Variants in RUFY3 observed in about 807,000 individuals in gnomAD.
RUFY3 encodes the protein RUN and FYVE domain containing 3.
In RUFY3, 34 loss-of-function variants were observed where a neutral mutation model predicts 84.0. The observed-to-expected ratio is 0.40, with a 90% CI of 0.31 to 0.54. The LOEUF (loss-of-function observed/expected upper bound fraction) is 0.54, where lower values mean the gene tolerates loss of function less well. Among genes scored for constraint, RUFY3 ranks in the 20% least tolerant of loss-of-function variants. RUFY3 has a pLI of 0.39. For synonymous variants in RUFY3, 242 were observed against 252.9 expected, an observed-to-expected ratio of 0.96 and a Z score of 0.41; for missense variants, 507 against 736.8, an observed-to-expected ratio of 0.69 and a Z score of 3.61.
chr4:70,783,424 C>T (rs1231653294), intron 9 of RUFY3, among the ~76,000 whole-genome samples: 2 of 152,212 alleles, frequency 1.3e-5, no homozygotes, highest in Admixed American at 6.5e-5. Flanking sequence ...CAGTCTAATT[C>T]AGTTTCTTGT....
At chr4:70,727,481 T>C (rs1220258273) in intron 1 of RUFY3, among the ~76,000 whole-genome samples, 1 of 148,238 alleles carries the variant, frequency 6.7e-6, no homozygotes, top group African/African-American at 2.5e-5. Flanking sequence ...TCAGCCTCCC[T>C]AGTAACTGGG....
chr4:70,790,384 T>C (rs4563469), intron 12 of RUFY3, among the ~76,000 whole-genome samples: 6,996 of 152,270 alleles, frequency 0.046, 277 homozygotes, highest in Middle Eastern at 0.058. Flanking sequence ...TTGTCACCCT[T>C]CTTGCACTTG....
intron 4 of RUFY3, 137 bp downstream of exon 4, chr4:70,764,713 C>T (rs1032644815): frequency 1.6e-4 from 95 of 595,236 alleles, no homozygotes; most frequent in Non-Finnish European, 2.5e-4. Context: ...TCTCTCATAC[C>T]TCACACACAT....
chr4:70,771,727 G>A (rs539668907), intron 5 of RUFY3, among the ~76,000 whole-genome samples: 6 of 151,990 alleles, frequency 3.9e-5, no homozygotes, highest in Admixed American at 6.6e-5. Context: ...ACAGAGTTTC[G>A]CTATGTTGCC....
chr4:70,795,782 C>A (rs994699446), intron 14 of RUFY3, among the ~76,000 whole-genome samples: 1 of 152,080 alleles, frequency 6.6e-6, no homozygotes, highest in Admixed American at 6.6e-5. Context: ...ATCTTTTTTA[C>A]ATTATTAACT....
chr4:70,704,882 T>C (rs1740074627), exon 1 of RUFY3: 1 of 1,133,750 alleles, frequency 8.8e-7, no homozygotes. Context: ...GACCCTCTGC[T>C]CCCCCGCCCA....
At chr4:70,708,845 G>C (rs916311626) in intron 1 of RUFY3, among the ~76,000 whole-genome samples, 5 of 151,962 alleles carry the variant, frequency 3.3e-5, no homozygotes, top group African/African-American at 1.2e-4. Context: ...AGGAATTGGA[G>C]ACCAGCCTGT....
In RUFY3 at chr4:70,768,560, C is replaced by G. The variant is rs374725713; in HGVS notation, c.595C>G (p.Leu199Val). Residue 199 changes from leucine to valine, a missense_variant, in exon 5 of 18, where the codon CTC becomes GTC. Coordinates refer to ENST00000381006, the MANE Select transcript of RUFY3 (RefSeq NM_001037442.4). ...CAGTGAATTCTACGAACCCAATGCC[C>G]TCATGATGGAAGAAGAAGGAGCCAT... ...LLSEFYEPNALMMEEEGAIIA... is the reference protein window; with the variant it reads ...LLSEFYEPNAVMMEEEGAIIA... The G allele has an allele frequency of 9.3e-6, 15 of 1,613,910 alleles. No homozygotes were observed. Among genetic ancestry groups the G allele is most frequent in the Non-Finnish European group, 1.3e-5 (15 of 1,179,938 alleles).
chr4:70,783,285 C>A (rs1729244090), intron 9 of RUFY3, 102 bp downstream of exon 9: 2 of 716,890 alleles, frequency 2.8e-6, no homozygotes, highest in African/African-American at 1.8e-5. Flanking sequence ...TGGCCTGTAT[C>A]AAGCACACTT....
chr4:70,780,537 C>A (rs112995460), intron 8 of RUFY3, among the ~76,000 whole-genome samples: 1 of 152,224 alleles, frequency 6.6e-6, no homozygotes, highest in South Asian at 2.1e-4. Context: ...AGGTGATCCA[C>A]CCGCCTCGGC....
At chr4:70,788,284 C>CA (rs11358761) in intron 10 of RUFY3, among the ~76,000 whole-genome samples, 4,097 of 120,508 alleles carry the variant, frequency 0.034, 81 homozygotes, top group Middle Eastern at 0.073. Flanking sequence ...GACTCTGTCT[C>CA]AAAAAAAAAA....
At chr4:70,790,767 T>C (rs1296837837) in intron 12 of RUFY3, among the ~76,000 whole-genome samples, 1 of 152,232 alleles carries the variant, frequency 6.6e-6, no homozygotes, top group Non-Finnish European at 1.5e-5. Context: ...GCCTTGAATA[T>C]ACAAGCATTC....
At chr4:70,796,906 A>G (rs1338231708) in intron 14 of RUFY3, among the ~76,000 whole-genome samples, 3 of 149,978 alleles carry the variant, frequency 2.0e-5, no homozygotes, top group Non-Finnish European at 4.4e-5. Flanking sequence ...CAGAATTCAT[A>G]TTACTCTGAT....
At chr4:70,780,570 G>A (rs1227319800) in intron 8 of RUFY3, among the ~76,000 whole-genome samples, 6 of 152,236 alleles carry the variant, frequency 3.9e-5, no homozygotes, top group Non-Finnish European at 8.8e-5. Flanking sequence ...TGGGATTACA[G>A]GCATGAGCCG....
intron 1 of RUFY3, among the ~76,000 whole-genome samples, chr4:70,706,788 A>T (rs1740382613): frequency 6.6e-6 from 1 of 152,254 alleles, no homozygotes; most frequent in Admixed American, 6.5e-5. Context: ...TTGTCAGCTC[A>T]TGGCAGAAGT....
chr4:70,713,188 T>G (rs1210587333), intron 1 of RUFY3, among the ~76,000 whole-genome samples: 1 of 152,144 alleles, frequency 6.6e-6, no homozygotes, highest in Non-Finnish European at 1.5e-5. Context: ...CACACCCACC[T>G]AATTTTTGTA....
chr4:70,735,074 G>A (rs1720060526), intron 1 of RUFY3, among the ~76,000 whole-genome samples: 1 of 152,250 alleles, frequency 6.6e-6, no homozygotes, highest in Non-Finnish European at 1.5e-5. Context: ...GCCACTCAGT[G>A]ATAGAGCTCA....
At chr4:70,770,101 C>T (rs2148727520) in intron 5 of RUFY3, among the ~76,000 whole-genome samples, 1 of 152,318 alleles carries the variant, frequency 6.6e-6, no homozygotes, top group East Asian at 1.9e-4. Flanking sequence ...GGATTACAGG[C>T]ATGAACCACC....
chr4:70,714,500 G>T (rs1741355235), intron 1 of RUFY3, among the ~76,000 whole-genome samples: 1 of 152,200 alleles, frequency 6.6e-6, no homozygotes, highest in South Asian at 2.1e-4. Flanking sequence ...TTGAGTGAAT[G>T]AATCTGTTAT....
Sources: gnomAD v4.1 joint callset for allele counts (sites outside exome capture counted in the v4.1 genomes callset) on GRCh38, gnomAD v4.1.1 for gene constraint, MANE v1.5 for transcripts, NCBI Gene and HGNC (gene_info 2026-07-23, HGNC 2026-07-21) for gene names.